Variants in CSMD1 observed in about 807,000 individuals in gnomAD.
The protein encoded by CSMD1 is CUB and sushi domain-containing protein 1.
Under a neutral mutation model 417.5 loss-of-function variants are expected in CSMD1, and 213 were observed. The observed-to-expected ratio is 0.51, with a 90% CI of 0.46 to 0.57. The LOEUF (loss-of-function observed/expected upper bound fraction) is 0.57. Ranked by LOEUF, CSMD1 falls within the 20% of genes least tolerant of loss-of-function variation. The probability of loss-of-function intolerance (pLI) is 0.00; values close to 1 mark genes in which losing one functional copy is unlikely to be tolerated. For missense variants in CSMD1, 6,923 were observed against 4,529.7 expected (o/e 1.53, Z -15.17); for synonymous variants, 2,862 against 1,736.8 (o/e 1.65, Z -16.11).
At chr8:3,805,728 A>T (rs1800696280) in intron 5 of CSMD1, among the ~76,000 whole-genome samples, 1 of 151,914 alleles carries the variant, frequency 6.6e-6, no homozygotes, top group Admixed American at 6.6e-5. Flanking sequence ...TTTTAATTCG[A>T]GAATCTTACT....
intron 2 of CSMD1, among the ~76,000 whole-genome samples, chr8:4,446,124 C>A (rs1798774116): frequency 6.6e-6 from 1 of 152,152 alleles, no homozygotes; most frequent in East Asian, 1.9e-4. Context: ...TTTGTTGTTA[C>A]ATTCGTTACA....
intron 5 of CSMD1, among the ~76,000 whole-genome samples, chr8:3,957,880 C>T (rs1812070278): frequency 6.6e-6 from 1 of 152,166 alleles, no homozygotes; most frequent in Non-Finnish European, 1.5e-5. Flanking sequence ...CGATGTGGGG[C>T]TATCGCTGTA....
At chr8:4,415,274 T>G (rs1262710576) in intron 3 of CSMD1, among the ~76,000 whole-genome samples, 1 of 152,144 alleles carries the variant, frequency 6.6e-6, no homozygotes, top group Non-Finnish European at 1.5e-5. Flanking sequence ...CCCCTCCTCC[T>G]GTAAACCACA....
At chr8:4,329,298 T>C (rs1473982105) in intron 3 of CSMD1, among the ~76,000 whole-genome samples, 1 of 152,158 alleles carries the variant, frequency 6.6e-6, no homozygotes, top group South Asian at 2.1e-4. Flanking sequence ...AAATACTCAT[T>C]TATTTTTTGA....
chr8:4,280,233 A>G (rs1161912416), intron 3 of CSMD1, among the ~76,000 whole-genome samples: 1 of 152,198 alleles, frequency 6.6e-6, no homozygotes, highest in Admixed American at 6.5e-5. Flanking sequence ...TTCTCTCTTT[A>G]GGCATATAGT....
intron 5 of CSMD1, among the ~76,000 whole-genome samples, chr8:3,877,717 C>T (rs1299909517): frequency 6.6e-6 from 1 of 152,098 alleles, no homozygotes; most frequent in Non-Finnish European, 1.5e-5. Flanking sequence ...TATGCAGTCA[C>T]AATAAAATAG....
chr8:4,829,056 A>C (rs1172652556), intron 1 of CSMD1, among the ~76,000 whole-genome samples: 2 of 152,212 alleles, frequency 1.3e-5, no homozygotes, highest in Non-Finnish European at 2.9e-5. Context: ...ATAACTTAAT[A>C]GGTTACCTTT....
chr8:3,548,968 C>T (rs942212917), intron 10 of CSMD1, among the ~76,000 whole-genome samples: 2 of 152,132 alleles, frequency 1.3e-5, no homozygotes, highest in African/African-American at 4.8e-5. Flanking sequence ...TAACTCTGCT[C>T]TTGCAGACAC....
intron 48 of CSMD1, among the ~76,000 whole-genome samples, chr8:3,089,685 A>C (rs1435630063): frequency 6.6e-6 from 1 of 152,160 alleles, no homozygotes; most frequent in African/African-American, 2.4e-5. Context: ...TCTAAGTAAA[A>C]AGCTGTGAGA....
chr8:4,516,395 A>G (rs567053541), intron 2 of CSMD1, among the ~76,000 whole-genome samples: 2 of 152,294 alleles, frequency 1.3e-5, no homozygotes, highest in South Asian at 2.1e-4. Flanking sequence ...GCCTGAGACT[A>G]ACACAGACTC....
intron 3 of CSMD1, among the ~76,000 whole-genome samples, chr8:4,192,649 G>T (rs950746699): frequency 6.6e-6 from 1 of 152,212 alleles, no homozygotes; most frequent in Admixed American, 6.5e-5. Flanking sequence ...TCAGGGATCA[G>T]AGTGAGAAAA....
At chr8:4,979,230 A>T (rs10088688) in intron 1 of CSMD1, among the ~76,000 whole-genome samples, 108,457 of 152,080 alleles carry the variant, frequency 0.71, 40,183 homozygotes, top group African/African-American at 0.9. Flanking sequence ...TTTTAGTTGC[A>T]GTAATAAAAT....
At position 4,473,528 on chromosome 8, in the gene CSMD1, T is replaced by G. The variant is rs147744327; in HGVS notation, c.303-53463A>C. Among the ~76,000 whole-genome samples, 1,118 of 152,330 alleles carry G rather than the reference T, an allele frequency of 7.3e-3. 12 individuals carry two copies. The highest frequency in any genetic ancestry group is 0.013 in the Non-Finnish European group (857 of 68,018). ...TCCCCTCTTGCACCTGCTTTGCAAT[T>G]AGGCTATGCCTTTTTCTTGTACTTC... On this transcript the variant is annotated intron_variant, in intron 2 of 69. Coordinates refer to ENST00000635120, the MANE Select transcript of CSMD1 (RefSeq NM_033225.6).
rs552960408 is a variant in CSMD1, at chr8:3,330,214, C to T, written c.3631+13080G>A. On this transcript the variant is annotated intron_variant, in intron 23 of 69. Coordinates refer to ENST00000635120, the MANE Select transcript of CSMD1 (RefSeq NM_033225.6). ...ATTCTTCATTTCATTTTCTTAGAAA[C>T]AATGAAGGAACATATGGTTAAAAAC... is the stretch of plus-strand genomic sequence containing the variant. Among the ~76,000 whole-genome samples the T allele has an allele frequency of 2.6e-4, 39 of 152,198 alleles. 1 individual carries two copies. Among genetic ancestry groups the T allele is most frequent in the African/African-American group, 8.7e-4 (36 of 41,530 alleles).
intron 4 of CSMD1, among the ~76,000 whole-genome samples, chr8:4,021,511 C>A (rs1001672801): frequency 6.6e-6 from 1 of 152,136 alleles, no homozygotes; most frequent in African/African-American, 2.4e-5. Context: ...GCATCGTCCT[C>A]AGTAGAGTGT....
intron 12 of CSMD1, among the ~76,000 whole-genome samples, chr8:3,438,439 C>G (rs774776864): frequency 6.6e-6 from 1 of 152,164 alleles, no homozygotes; most frequent in Non-Finnish European, 1.5e-5. Flanking sequence ...CAACACCTCC[C>G]TCCTTAACTC....
chr8:4,952,490 C>T (rs1808820255), intron 1 of CSMD1, among the ~76,000 whole-genome samples: 1 of 151,996 alleles, frequency 6.6e-6, no homozygotes, highest in African/African-American at 2.4e-5. Context: ...TATTTAAGGA[C>T]ATAAAAGTTT....
chr8:3,614,895 G>A (rs1013364114), intron 8 of CSMD1, among the ~76,000 whole-genome samples: 7 of 151,992 alleles, frequency 4.6e-5, no homozygotes, highest in South Asian at 2.1e-4. Context: ...TGACAAAGGG[G>A]CACAGAAGGA....
At chr8:3,408,984 G>A (rs1177489036) in intron 13 of CSMD1, among the ~76,000 whole-genome samples, 1 of 152,092 alleles carries the variant, frequency 6.6e-6, no homozygotes, top group Non-Finnish European at 1.5e-5. Flanking sequence ...GTATTCTTAA[G>A]AGGAAGTGGG....
Sources: allele counts gnomAD v4.1 joint callset (sites outside exome capture counted in the v4.1 genomes callset), GRCh38; gene constraint gnomAD v4.1.1; transcripts MANE v1.5; gene names NCBI Gene and HGNC (gene_info 2026-07-23, HGNC 2026-07-21).